Variants in SEC24A observed in about 807,000 individuals in gnomAD.
The protein encoded by SEC24A is SEC24 homolog A, COPII component.
A neutral mutation model predicts 129.4 loss-of-function variants in SEC24A; 93 were observed. That is an observed-to-expected ratio of 0.72 (90% CI 0.61 to 0.85). The LOEUF is 0.85. Among genes scored for constraint, SEC24A ranks in the 40% least tolerant of loss-of-function variants. The pLI is 0.00. For synonymous variants in SEC24A, 460 were observed against 467.3 expected (o/e 0.98, Z 0.20); for missense variants, 1,264 against 1,307.4 (o/e 0.97, Z 0.51).
At chr5:134,710,548 A>T (rs181450860) in intron 18 of SEC24A, among the ~76,000 whole-genome samples, 1 of 152,162 alleles carries the variant, frequency 6.6e-6, no homozygotes, top group East Asian at 1.9e-4. Context: ...TCTTCTTTAG[A>T]TACACTTTCT....
Position 134,673,450 on chromosome 5 carries a change from G to GTTGTTT in SEC24A, c.818-1137_818-1132dup, listed in dbSNP as rs370663734. 4.2e-3 allele frequency among the ~76,000 whole-genome samples: 639 copies of GTTGTTT among 152,058 alleles called. 3 individuals carry two copies. The highest frequency in any genetic ancestry group is 0.013 in the African/African-American group (533 of 41,502). ...AGTAAATTAACTGTTCTTTTGTTTT[G>GTTGTTT]TTGTTTTTGTTTTTGTTTTTGTTTT... is the stretch of plus-strand genomic sequence containing the variant. On this transcript the variant is annotated intron_variant, in intron 4 of 22. Transcript: ENST00000398844.
chr5:134,716,491 T>G (rs1271308385), intron 19 of SEC24A, among the ~76,000 whole-genome samples: 5 of 147,662 alleles, frequency 3.4e-5, no homozygotes, highest in African/African-American at 1.0e-4. Flanking sequence ...AAAAAACCTT[T>G]GAAAATTTAA....
At chr5:134,656,783 T>C (rs190708769) in intron 1 of SEC24A, among the ~76,000 whole-genome samples, 1,811 of 151,508 alleles carry the variant, frequency 0.012, 39 homozygotes, top group African/African-American at 0.041. Flanking sequence ...TCCGACTTTT[T>C]TTTTTTTTTT....
chr5:134,697,318 A>G, intron 14 of SEC24A, 72 bp downstream of exon 14: 1 of 1,277,720 alleles, frequency 7.8e-7, no homozygotes. Context: ...ATAGTGTTCT[A>G]AATATAGAAC....
chr5:134,678,565 G>GATAT (rs66794026), intron 7 of SEC24A, among the ~76,000 whole-genome samples: 5 of 149,488 alleles, frequency 3.3e-5, no homozygotes, highest in Non-Finnish European at 7.4e-5. Context: ...AAAGCACTGG[G>GATAT]ATATATATAT....
In SEC24A at chr5:134,676,041, G is replaced by C. The variant is rs373261745; in HGVS notation, c.1170G>C (p.Leu390=). The part of the protein sequence containing the change: ...NCNPELFRCT[L]TSIPQTQALL... ...GATATAGGTTATTTCGATGCACGCT[G>C]ACTAGCATTCCTCAGACGCAGGCCT... The change falls in exon 7 of 23, where the codon CTG becomes CTC. Residue 390 remains leucine (L), a synonymous_variant. Transcript: ENST00000398844. 1.2e-6 allele frequency: 2 copies of C among 1,610,112 alleles called. No individual in the cohort carries two copies. Among genetic ancestry groups the C allele is most frequent in the African/African-American group, 2.7e-5 (2 of 74,536 alleles).
At chr5:134,705,503 G>T in intron 17 of SEC24A, 66 bp downstream of exon 17, 1 of 1,061,706 alleles carries the variant, frequency 9.4e-7, no homozygotes, top group Non-Finnish European at 1.4e-6. Context: ...AAACAGTTTT[G>T]TTTTCCTTTA....
At chr5:134,681,672 C>A (rs768180735) in intron 8 of SEC24A, among the ~76,000 whole-genome samples, 2 of 151,984 alleles carry the variant, frequency 1.3e-5, no homozygotes, top group Non-Finnish European at 2.9e-5. Flanking sequence ...TATAGCTTAA[C>A]CTTTAGAGTG....
chr5:134,668,516 A>G (rs2089553393), intron 3 of SEC24A, among the ~76,000 whole-genome samples: 1 of 152,216 alleles, frequency 6.6e-6, no homozygotes, highest in Admixed American at 6.5e-5. Flanking sequence ...ACCTAAGGTC[A>G]GGAGTTCCAG....
At chr5:134,706,191 A>G (rs984222571) in intron 17 of SEC24A, among the ~76,000 whole-genome samples, 3 of 152,088 alleles carry the variant, frequency 2.0e-5, no homozygotes, top group Admixed American at 2.0e-4. Context: ...CTGGCCAACT[A>G]TATCTTATGT....
chr5:134,693,098 G>T, intron 12 of SEC24A: 1 of 1,535,892 alleles, frequency 6.5e-7, no homozygotes, highest in South Asian at 1.2e-5. Context: ...AGATAATACA[G>T]TGAGAGGTGA....
At chr5:134,701,668 G>T (rs1561826153) in intron 15 of SEC24A, among the ~76,000 whole-genome samples, 1 of 151,952 alleles carries the variant, frequency 6.6e-6, no homozygotes, top group Non-Finnish European at 1.5e-5. Context: ...GTGCTACCAT[G>T]CCCAGCTAAT....
At chr5:134,665,271 T>C (rs567705368) in intron 2 of SEC24A, among the ~76,000 whole-genome samples, 448 of 150,982 alleles carry the variant, frequency 3.0e-3, no homozygotes, top group Non-Finnish European at 5.0e-3. Context: ...CTGGCCAATA[T>C]GGTGAAACCC....
At chr5:134,658,449 C>CAGAGTGAGAATT in intron 1 of SEC24A, among the ~76,000 whole-genome samples, 1 of 152,244 alleles carries the variant, frequency 6.6e-6, no homozygotes, top group South Asian at 2.1e-4. Flanking sequence ...CTCTGTAGCC[C>CAGAGTGAGAATT]AGGGTGGAAT....
intron 9 of SEC24A, among the ~76,000 whole-genome samples, chr5:134,683,826 T>A (rs887101629): frequency 1.3e-5 from 2 of 152,190 alleles, no homozygotes; most frequent in Non-Finnish European, 2.9e-5. Flanking sequence ...GCTAGAAAAA[T>A]GCTGTTAATC....
Position 134,679,613 on chromosome 5 carries a change from GGT to G in SEC24A, c.1267_1268del (p.Val423TyrfsTer23). ...TTTTTTTTTTCCAGCAATTGCCTGT[GGT>G]TACCTCCAGTACAATTGTGAGATGC... is the stretch of plus-strand genomic sequence containing the variant. ...PFKDLVQLPV[V>X]TSSTIVRCRS... On this transcript the variant is annotated frameshift_variant, in exon 8 of 23. Transcript: ENST00000398844. LOFTEE classifies it high-confidence loss of function. 1 of 1,555,264 alleles carries G rather than the reference GGT, an allele frequency of 6.4e-7. No individual in the cohort carries two copies. Among genetic ancestry groups the G allele is most frequent in the Non-Finnish European group, 8.7e-7 (1 of 1,145,976 alleles).
At position 134,723,635 on chromosome 5, in the gene SEC24A, G is replaced by A; in HGVS notation, c.3132G>A (p.Glu1044=). The change falls in exon 22 of 23, where the codon GAG becomes GAA. Residue 1044 remains glutamate (E), a synonymous_variant. Transcript: ENST00000398844. The stretch of plus-strand genomic sequence containing the variant: ...TAGCTTTCATCTCTTGGCTTAGAGA[G>A]CAGAGACCATTTTTCCCAATACTTT... ...RIIAFISWLR[E]QRPFFPILYV... 6.2e-7 allele frequency: 1 copy of A among 1,611,480 alleles called. No individual in the cohort carries two copies. Among genetic ancestry groups the A allele is most frequent in the African/African-American group, 1.3e-5 (1 of 74,958 alleles).
intron 11 of SEC24A, among the ~76,000 whole-genome samples, chr5:134,691,253 A>C (rs1751640082): frequency 6.7e-6 from 1 of 148,666 alleles, no homozygotes; most frequent in South Asian, 2.1e-4. Context: ...GCTCACTGCA[A>C]ACTCTGCCTC....
chr5:134,695,193 G>A (rs181824612), intron 13 of SEC24A, among the ~76,000 whole-genome samples: 3 of 152,112 alleles, frequency 2.0e-5, no homozygotes, highest in East Asian at 3.9e-4. Flanking sequence ...AACATAGTGA[G>A]ACCCTGTCCC....
Sources: allele counts gnomAD v4.1 joint callset (sites outside exome capture counted in the v4.1 genomes callset), GRCh38; gene constraint gnomAD v4.1.1; transcripts MANE v1.5; gene names NCBI Gene and HGNC (gene_info 2026-07-23, HGNC 2026-07-21).